The following DIAPH2 variants were observed in gnomAD, a reference collection of about 807,000 sequenced individuals.
DIAPH2 encodes protein diaphanous homolog 2.
DIAPH2 carries 35 observed loss-of-function variants against 92.7 expected under a neutral mutation model. The observed-to-expected ratio is 0.38, with a 90% CI of 0.29 to 0.50. DIAPH2 has a LOEUF of 0.50. Among genes scored for constraint, DIAPH2 ranks in the 20% least tolerant of loss-of-function variants. The pLI, the probability that DIAPH2 is intolerant of heterozygous loss-of-function variation, is 0.94. For missense variants in DIAPH2, 701 were observed against 819.5 expected (o/e 0.86, Z 1.77); for synonymous variants, 301 against 280.4 (o/e 1.07, Z -0.73).
chrX:97,282,220 C>T (rs1246558621), intron 23 of DIAPH2, among the ~76,000 whole-genome samples: 3 of 111,842 alleles, frequency 2.7e-5, no homozygotes, highest in Non-Finnish European at 3.8e-5. Context: ...TATGGCTTCA[C>T]AGCGGCAACT....
At chrX:97,310,430 G>C (rs1364344504) in intron 23 of DIAPH2, among the ~76,000 whole-genome samples, 2 of 111,741 alleles carry the variant, frequency 1.8e-5, no homozygotes, top group Admixed American at 9.6e-5. Context: ...GGAGTTTGGT[G>C]GTATGTTCGT....
chrX:96,798,045 C>T (rs1046438342), intron 4 of DIAPH2, among the ~76,000 whole-genome samples: 3 of 112,370 alleles, frequency 2.7e-5, no homozygotes, highest in Non-Finnish European at 5.6e-5. Flanking sequence ...TCCATATCTG[C>T]GGGTTTTGAT....
chrX:97,218,946 G>A (rs2147513799), intron 22 of DIAPH2, among the ~76,000 whole-genome samples: 1 of 112,113 alleles, frequency 8.9e-6, no homozygotes, highest in African/African-American at 3.2e-5. Flanking sequence ...AGGCCTGAAT[G>A]TAGATATTCT....
At chrX:96,804,851 G>A (rs1214717375) in intron 4 of DIAPH2, among the ~76,000 whole-genome samples, 1 of 111,697 alleles carries the variant, frequency 9.0e-6, no homozygotes, top group Non-Finnish European at 1.9e-5. Flanking sequence ...TGTCTTTCCA[G>A]TGAGGCACTA....
At chrX:97,007,491 C>T (rs1388811015) in intron 17 of DIAPH2, among the ~76,000 whole-genome samples, 1 of 110,641 alleles carries the variant, frequency 9.0e-6, no homozygotes, top group Non-Finnish European at 1.9e-5. Context: ...ATGCCACTCT[C>T]TCCTGCCTGT....
In DIAPH2 at chrX:96,723,808, G is replaced by A. The variant is rs183592686; in HGVS notation, c.133-11950G>A. Among the ~76,000 whole-genome samples the A allele has an allele frequency of 2.5e-3, 282 of 111,130 alleles. 2 individuals carry two copies. Among genetic ancestry groups the A allele is most frequent in the African/African-American group, 8.7e-3 (265 of 30,561 alleles). Reference sequence around the variant, plus strand: ...ATTATTAGCAAATAGAATGGTAATTGAAGAGAAGTTAATTTAGGAATTTTG... The same window carrying A: ...ATTATTAGCAAATAGAATGGTAATTAAAGAGAAGTTAATTTAGGAATTTTG... On this transcript the variant is annotated intron_variant, in intron 1 of 26. Coordinates refer to ENST00000324765, the MANE Select transcript of DIAPH2 (RefSeq NM_006729.5).
intron 23 of DIAPH2, among the ~76,000 whole-genome samples, chrX:97,297,076 CTTT>C (rs57145821): frequency 0.044 from 911 of 20,594 alleles, 34 homozygotes; most frequent in Middle Eastern, 0.077. Context: ...CAGGCCTGGC[CTTT>C]TTTTTTTTTT....
At chrX:97,252,716 G>GTGTTGTGTTTTGTTT (rs373355674) in intron 23 of DIAPH2, among the ~76,000 whole-genome samples, 2 of 104,343 alleles carry the variant, frequency 1.9e-5, no homozygotes, top group Admixed American at 1.1e-4. Flanking sequence ...CAAAGCTGTT[G>GTGTTGTGTTTTGTTT]TGTTTTGTTT....
intron 23 of DIAPH2, among the ~76,000 whole-genome samples, chrX:97,283,386 A>G (rs2068514271): frequency 9.0e-6 from 1 of 111,653 alleles, no homozygotes; most frequent in African/African-American, 3.3e-5. Flanking sequence ...AATTCGCCCA[A>G]GCTCACATAG....
chrX:97,179,398 C>A (rs1371170318), intron 22 of DIAPH2, among the ~76,000 whole-genome samples: 1 of 110,186 alleles, frequency 9.1e-6, no homozygotes, highest in Non-Finnish European at 1.9e-5. Flanking sequence ...GTGTGATGTT[C>A]CCCTCCCTGT....
At chrX:96,894,974 ATTTTTTT>A (rs766131166) in intron 5 of DIAPH2, among the ~76,000 whole-genome samples, 3 of 59,531 alleles carry the variant, frequency 5.0e-5, no homozygotes, top group African/African-American at 1.2e-4. Context: ...GTTTTTCTTA[ATTTTTTT>A]TTTTTTTTTT....
chrX:96,795,227 C>T (rs942845844), intron 4 of DIAPH2, among the ~76,000 whole-genome samples: 3 of 111,309 alleles, frequency 2.7e-5, no homozygotes, highest in Non-Finnish European at 5.6e-5. Flanking sequence ...TTGTTCTGGT[C>T]TTCTAGTTCC....
chrX:96,699,439 G>A (rs2063842690), intron 1 of DIAPH2, among the ~76,000 whole-genome samples: 1 of 111,087 alleles, frequency 9.0e-6, no homozygotes, highest in Non-Finnish European at 1.9e-5. Flanking sequence ...GTAATGTCTG[G>A]AGACATTTTT....
intron 26 of DIAPH2, among the ~76,000 whole-genome samples, chrX:97,572,250 T>C (rs2071375146): frequency 9.0e-6 from 1 of 111,398 alleles, no homozygotes; most frequent in Admixed American, 9.6e-5. Flanking sequence ...TAAAGACAAA[T>C]GCATTCACTG....
At chrX:97,119,243 G>A (rs937333772) in intron 21 of DIAPH2, among the ~76,000 whole-genome samples, 10 of 111,107 alleles carry the variant, frequency 9.0e-5, no homozygotes, top group African/African-American at 3.3e-4. Context: ...TGTCCCATGG[G>A]GTATTCTCTT....
At chrX:96,835,339 A>T (rs2064879798) in intron 4 of DIAPH2, among the ~76,000 whole-genome samples, 1 of 112,117 alleles carries the variant, frequency 8.9e-6, no homozygotes, top group African/African-American at 3.2e-5. Flanking sequence ...AACTAATTTA[A>T]TTCTCACAGT....
At chrX:96,769,669 A>T (rs2064325482) in intron 4 of DIAPH2, among the ~76,000 whole-genome samples, 1 of 111,598 alleles carries the variant, frequency 9.0e-6, no homozygotes, top group Non-Finnish European at 1.9e-5. Flanking sequence ...AAGAGGTCAT[A>T]TTTGTACCTT....
rs112245728 is a variant in DIAPH2, at chrX:96,967,722, A to G, written c.2050+2515A>G. Among the ~76,000 whole-genome samples the G allele has an allele frequency of 9.8e-3, 1,087 of 110,500 alleles. 15 individuals are homozygous for G. Among genetic ancestry groups the G allele is most frequent in the African/African-American group, 0.034 (1,039 of 30,390 alleles). On this transcript the variant is annotated intron_variant, in intron 17 of 26. Transcript: ENST00000324765. ...GTGACCCACCATGCCTGGCCAGGAT[A>G]TGATTTTTTTTTAATTACGGCTGCA...
intron 1 of DIAPH2, among the ~76,000 whole-genome samples, chrX:96,691,563 C>T (rs1047510860): frequency 8.9e-6 from 1 of 112,345 alleles, no homozygotes; most frequent in Admixed American, 9.4e-5. Flanking sequence ...AAACAGACAA[C>T]TGAATTCTGG....
Sources: gnomAD v4.1 joint callset for allele counts (sites outside exome capture counted in the v4.1 genomes callset) on GRCh38, gnomAD v4.1.1 for gene constraint, MANE v1.5 for transcripts, NCBI Gene and HGNC (gene_info 2026-07-23, HGNC 2026-07-21) for gene names.